GALNT13: variants seen among roughly 807,000 people sequenced by gnomAD.
GALNT13 encodes the protein UDP-GalNAc:polypeptide N-acetylgalactosaminyltransferase 13.
In GALNT13, 28 loss-of-function variants were observed where a neutral mutation model predicts 64.2. That is an observed-to-expected ratio of 0.44 (90% CI 0.32 to 0.60). The LOEUF (loss-of-function observed/expected upper bound fraction) is 0.60. Ranked by LOEUF, GALNT13 falls within the 20% of genes least tolerant of loss-of-function variation. The pLI is 0.05. For synonymous variants in GALNT13, 214 were observed against 224.6 expected (o/e 0.95, Z 0.42); for missense variants, 577 against 669.8 (o/e 0.86, Z 1.53).
At chr2:154,370,302 G>A (rs1697610608) in intron 9 of GALNT13, among the ~76,000 whole-genome samples, 1 of 152,066 alleles carries the variant, frequency 6.6e-6, no homozygotes, top group African/African-American at 2.4e-5. Context: ...TCATTGAACA[G>A]GTTTAAAACA....
the GALNT13 span, among the ~76,000 whole-genome samples, chr2:153,118,893 C>A: frequency 6.6e-6 from 1 of 152,282 alleles, no homozygotes; most frequent in South Asian, 2.1e-4. Context: ...CAAATCTCAT[C>A]TTGAACTGTA....
At chr2:154,314,107 C>A (rs1353680802) in intron 9 of GALNT13, among the ~76,000 whole-genome samples, 1 of 152,100 alleles carries the variant, frequency 6.6e-6, no homozygotes, top group East Asian at 1.9e-4. Flanking sequence ...AGGAGTACTA[C>A]GTCTGAATTA....
chr2:153,182,204 C>A, the GALNT13 span, among the ~76,000 whole-genome samples: 1 of 151,900 alleles, frequency 6.6e-6, no homozygotes, highest in Non-Finnish European at 1.5e-5. Flanking sequence ...CCATCATACC[C>A]GGCTAATTTT....
chr2:153,668,297 G>C, the GALNT13 span, among the ~76,000 whole-genome samples: 1 of 152,226 alleles, frequency 6.6e-6, no homozygotes, highest in Non-Finnish European at 1.5e-5. Flanking sequence ...AACAATTATA[G>C]AATATACATT....
chr2:153,579,230 A>C, the GALNT13 span, among the ~76,000 whole-genome samples: 2 of 152,138 alleles, frequency 1.3e-5, no homozygotes, highest in Non-Finnish European at 2.9e-5. Flanking sequence ...CAGGACATCA[A>C]AGGGTTGCCC....
intron 3 of GALNT13, among the ~76,000 whole-genome samples, chr2:153,995,872 C>T (rs1018498319): frequency 1.3e-5 from 2 of 152,106 alleles, no homozygotes; most frequent in Non-Finnish European, 2.9e-5. Context: ...TTCAACTCTC[C>T]ACTTCTATGA....
the GALNT13 span, among the ~76,000 whole-genome samples, chr2:153,631,962 G>A: frequency 6.6e-6 from 1 of 151,888 alleles, no homozygotes; most frequent in Admixed American, 6.6e-5. Flanking sequence ...AATATCAGTA[G>A]TCCTACTTTA....
chr2:153,499,277 C>T, the GALNT13 span, among the ~76,000 whole-genome samples: 6 of 152,164 alleles, frequency 3.9e-5, no homozygotes, highest in Non-Finnish European at 1.5e-5. Context: ...TGGGTGGCTC[C>T]TTTCTGCAGG....
chr2:153,974,524 A>T (rs192496911), intron 3 of GALNT13, among the ~76,000 whole-genome samples: 22 of 152,048 alleles, frequency 1.4e-4, no homozygotes, highest in Admixed American at 2.6e-4. Flanking sequence ...TGAGTCAATA[A>T]AGAAAGTAGG....
At chr2:153,257,085 T>C in the GALNT13 span, among the ~76,000 whole-genome samples, 1 of 152,222 alleles carries the variant, frequency 6.6e-6, no homozygotes, top group African/African-American at 2.4e-5. Flanking sequence ...CTCAGACTGC[T>C]GTGCTAGCAA....
chr2:153,072,561 TTCTCA>T, the GALNT13 span, among the ~76,000 whole-genome samples: 1 of 152,198 alleles, frequency 6.6e-6, no homozygotes, highest in Non-Finnish European at 1.5e-5. Context: ...CCTTTCTGCG[TTCTCA>T]TCTCTTACAT....
chr2:153,652,514 C>T, the GALNT13 span, among the ~76,000 whole-genome samples: 2 of 152,148 alleles, frequency 1.3e-5, no homozygotes, highest in African/African-American at 4.8e-5. Flanking sequence ...ACTCTGGAGG[C>T]TGTGACAGGA....
chr2:153,423,873 A>G, the GALNT13 span, among the ~76,000 whole-genome samples: 1 of 151,568 alleles, frequency 6.6e-6, no homozygotes, highest in Non-Finnish European at 1.5e-5. Context: ...AAAAACCCCA[A>G]GATTTTATCA....
At chr2:153,699,461 C>T in the GALNT13 span, among the ~76,000 whole-genome samples, 18 of 151,992 alleles carry the variant, frequency 1.2e-4, no homozygotes, top group Admixed American at 1.1e-3. Flanking sequence ...AATCCAAAAG[C>T]TAGCAGAAGA....
At chr2:153,611,445 T>G in the GALNT13 span, among the ~76,000 whole-genome samples, 2 of 152,062 alleles carry the variant, frequency 1.3e-5, no homozygotes. Context: ...CTTGGCTCAC[T>G]TCCATCTCTG....
the GALNT13 span, among the ~76,000 whole-genome samples, chr2:153,767,805 T>TTC: frequency 1.9e-4 from 29 of 150,988 alleles, no homozygotes; most frequent in African/African-American, 6.8e-4. Context: ...TTTTTTTTTT[T>TTC]CCCCCTGTTT....
chr2:153,868,441 A>C (rs898545221), upstream of GALNT13, among the ~76,000 whole-genome samples: 4 of 152,206 alleles, frequency 2.6e-5, no homozygotes, highest in Non-Finnish European at 5.9e-5. Context: ...ATTAGATTTC[A>C]TTTTAGAAAA....
the GALNT13 span, among the ~76,000 whole-genome samples, chr2:153,352,866 C>T: frequency 1.7e-4 from 26 of 152,062 alleles, no homozygotes; most frequent in South Asian, 4.2e-4. Flanking sequence ...CTTTGTAGTA[C>T]GTCTTGAAGT....
At chr2:153,918,077 A>G (rs977446483) in intron 2 of GALNT13, among the ~76,000 whole-genome samples, 1 of 152,168 alleles carries the variant, frequency 6.6e-6, no homozygotes, top group Admixed American at 6.6e-5. Context: ...GTTCAAAAGC[A>G]TTTTTAGCAT....
Sources: allele counts gnomAD v4.1 joint callset (sites outside exome capture counted in the v4.1 genomes callset), GRCh38; gene constraint gnomAD v4.1.1; transcripts MANE v1.5; gene names NCBI Gene and HGNC (gene_info 2026-07-23, HGNC 2026-07-21).